LRRIQ4: variants seen among roughly 807,000 people sequenced by gnomAD.
The protein encoded by LRRIQ4 is leucine-rich repeat and IQ domain-containing protein 4.
Under a neutral mutation model 40.1 loss-of-function variants are expected in LRRIQ4, and 21 were observed. That is an observed-to-expected ratio of 0.52 (90% confidence interval 0.37 to 0.75). The LOEUF (loss-of-function observed/expected upper bound fraction) is 0.75. Ranked by LOEUF, LRRIQ4 falls within the 30% of genes least tolerant of loss-of-function variation. The pLI is 0.00. For synonymous variants in LRRIQ4, 277 were observed against 277.1 expected (o/e 1.00, Z 0.00); for missense variants, 655 against 660.0 (o/e 0.99, Z 0.08).
rs537510727 is a variant in LRRIQ4, at chr3:169,830,479, C to T, written c.1195-13C>T. 3.3e-6 allele frequency: 5 copies of T among 1,499,762 alleles called. No homozygotes were observed. The highest frequency in any genetic ancestry group is 3.8e-5 in the Admixed American group (2 of 52,566). The allele number at this position is 1,499,762 out of a possible 1,614,324, so 92.9% of individuals were successfully genotyped here. A position where few individuals can be genotyped will look rare whatever the true frequency, so the allele number is the denominator to read the frequency against. On this transcript the variant is annotated splice_polypyrimidine_tract_variant and intron_variant, in intron 3 of 5. Transcript: ENST00000340806. Reference sequence around the variant, plus strand: ...TCAAGGTATATTATTATGGTACACTCATGTTATTTCAGAGTCTCAAAGAGC... The same window carrying T: ...TCAAGGTATATTATTATGGTACACTTATGTTATTTCAGAGTCTCAAAGAGC...
intron 1 of LRRIQ4, among the ~76,000 whole-genome samples, chr3:169,821,349 AT>A (rs1779884266): frequency 6.6e-6 from 1 of 152,108 alleles, no homozygotes; most frequent in South Asian, 2.1e-4. Context: ...TTTAACTGAA[AT>A]TAGGCTGGGC....
In LRRIQ4 at chr3:169,822,338, A is replaced by C; in HGVS notation, c.417A>C (p.Lys139Asn). The C allele has an allele frequency of 6.2e-7, 1 of 1,613,844 alleles. No homozygotes were observed. Among genetic ancestry groups the C allele is most frequent in the South Asian group, 1.1e-5 (1 of 91,054 alleles). ...DLKEIPVVIF[K>N]NLHHLELLGL... ...AGGAAATTCCCGTCGTCATCTTTAA[A>C]AACCTCCACCATCTCGAGCTGCTCG... Residue 139 changes from lysine (K) to asparagine (N), a missense_variant, in exon 2 of 6, where the codon AAA (lysine) becomes AAC (asparagine). Lys to Asn is a moderately conservative substitution (Grantham distance 94). Coordinates refer to ENST00000340806, the MANE Select transcript of LRRIQ4 (RefSeq NM_001080460.3).
chr3:169,833,847 C>CA (rs1034925169), intron 5 of LRRIQ4, among the ~76,000 whole-genome samples: 2 of 152,178 alleles, frequency 1.3e-5, no homozygotes, highest in Non-Finnish European at 2.9e-5. Context: ...CCATTACACT[C>CA]AGAGTAAGAG....
At chr3:169,830,377 G>GCAAAAA (rs1780135822) in intron 3 of LRRIQ4, 115 bp from the exon 4 acceptor site, 1 of 103,278 alleles carries the variant, frequency 9.7e-6, no homozygotes, top group Non-Finnish European at 1.6e-5. Context: ...CACTGAAAGT[G>GCAAAAA]AAAAAAAAAA....
chr3:169,816,950 C>T lies in LRRIQ4; in HGVS notation c.-32+3904C>T, dbSNP rs139111007. 1.1e-4 allele frequency among the ~76,000 whole-genome samples: 16 copies of T among 152,232 alleles called. No individual in the cohort carries two copies. The East Asian group carries it at 2.1e-3, about 20-fold the overall frequency. On this transcript the variant is annotated intron_variant, in intron 1 of 5. Coordinates refer to ENST00000340806, the MANE Select transcript of LRRIQ4 (RefSeq NM_001080460.3). ...CCTCCCAAAGTGCTGGGATTACAGG[C>T]GTGAGCTATCACTCCCAGCCTTCTA...
chr3:169,831,492 C>T (rs1341604530), intron 4 of LRRIQ4, among the ~76,000 whole-genome samples: 18 of 93,822 alleles, frequency 1.9e-4, no homozygotes, highest in Non-Finnish European at 3.1e-4. Context: ...TTAGTAGAGA[C>T]GGGGTTTCAC....
intron 5 of LRRIQ4, among the ~76,000 whole-genome samples, chr3:169,836,740 T>G (rs1055060787): frequency 1.3e-5 from 2 of 152,186 alleles, no homozygotes; most frequent in Non-Finnish European, 2.9e-5. Flanking sequence ...GTGAGCCATC[T>G]GAATACTGAG....
chr3:169,827,496 A>G (rs1201710990), intron 2 of LRRIQ4, among the ~76,000 whole-genome samples: 2 of 149,840 alleles, frequency 1.3e-5, no homozygotes, highest in African/African-American at 4.9e-5. Flanking sequence ...AGTCCCAGCT[A>G]CTCGGGAGGC....
chr3:169,830,415 G>C, intron 3 of LRRIQ4, 77 bp from the exon 4 acceptor site: 1 of 167,660 alleles, frequency 6.0e-6, no homozygotes, highest in Non-Finnish European at 1.0e-5. Flanking sequence ...AAAAATGCAT[G>C]AGCACCCACA....
At chr3:169,829,831 G>A (rs1014130995) in intron 3 of LRRIQ4, among the ~76,000 whole-genome samples, 1 of 152,168 alleles carries the variant, frequency 6.6e-6, no homozygotes, top group South Asian at 2.1e-4. Flanking sequence ...TAAAGTAGGC[G>A]TGGGCCACCA....
intron 1 of LRRIQ4, among the ~76,000 whole-genome samples, chr3:169,818,374 T>C (rs1779807429): frequency 6.6e-6 from 1 of 152,198 alleles, no homozygotes; most frequent in Non-Finnish European, 1.5e-5. Context: ...GATGATTTCT[T>C]GTGTGAATAG....
chr3:169,830,174 G>T (rs1338453110), intron 3 of LRRIQ4, among the ~76,000 whole-genome samples: 3 of 151,938 alleles, frequency 2.0e-5, no homozygotes, highest in Non-Finnish European at 4.4e-5. Context: ...AGGAGTTAAT[G>T]ATAAATGTAG....
intron 1 of LRRIQ4, among the ~76,000 whole-genome samples, chr3:169,821,042 T>C (rs1412595272): frequency 2.0e-5 from 3 of 152,250 alleles, no homozygotes; most frequent in African/African-American, 2.4e-5. Context: ...TAAAGGGTTG[T>C]TTCTCTGCCT....
In LRRIQ4 at chr3:169,822,724, G is replaced by T. The variant is rs1187255870; in HGVS notation, c.803G>T (p.Arg268Leu). ...ACGGAAATCGGGCTGAGCGGGAACC[G>T]CCTGGAGAAGGTGCCACGCCTCATT... ...KMTEIGLSGNRLEKVPRLICR... is the reference protein window; with the variant it reads ...KMTEIGLSGNLLEKVPRLICR... Residue 268 changes from arginine to leucine, a missense_variant, in exon 2 of 6, where the codon CGC becomes CTC. Arg to Leu is a moderately radical substitution (Grantham distance 102). Transcript: ENST00000340806. 6 of 1,613,748 alleles carry T rather than the reference G, an allele frequency of 3.7e-6. No homozygotes were observed. Among genetic ancestry groups the T allele is most frequent in the African/African-American group, 1.3e-5 (1 of 74,930 alleles).
chr3:169,814,209 G>A (rs1379482730), intron 1 of LRRIQ4, among the ~76,000 whole-genome samples: 1 of 152,106 alleles, frequency 6.6e-6, no homozygotes, highest in Non-Finnish European at 1.5e-5. Flanking sequence ...CAGATGGATG[G>A]GGAGCCAGAA....
chr3:169,818,006 T>A (rs913949743), intron 1 of LRRIQ4, among the ~76,000 whole-genome samples: 2 of 152,206 alleles, frequency 1.3e-5, no homozygotes, highest in Non-Finnish European at 2.9e-5. Flanking sequence ...GAGCACTTTA[T>A]CCCACAGTGG....
rs563455962 is a variant in LRRIQ4 at position 169,833,099 on chromosome 3, C to G, written c.1446C>G (p.Pro482=). The change falls in exon 5 of 6, where the codon CCC becomes CCG. Residue 482 remains proline, a synonymous_variant. Transcript: ENST00000340806. ...LTLMDNPMEE[P]PKEVCAEGNE... is the part of the protein sequence containing the mutation. Reference sequence around the variant, plus strand: ...TGATGGACAATCCCATGGAAGAACCCCCAAAAGAAGTGTGTGCTGAAGGCA... The same window carrying G: ...TGATGGACAATCCCATGGAAGAACCGCCAAAAGAAGTGTGTGCTGAAGGCA... 2.5e-6 allele frequency: 4 copies of G among 1,613,882 alleles called. No homozygotes were observed. In the East Asian group the frequency reaches 8.9e-5, roughly 36 times the overall value.
rs745985138 is a variant in LRRIQ4 at position 169,828,949 on chromosome 3, G to A, written c.1194+17G>A. 6.9e-6 allele frequency: 11 copies of A among 1,596,876 alleles called. No homozygotes were observed. In the African/African-American group the frequency reaches 1.1e-4, roughly 16 times the overall value. On this transcript the variant is annotated intron_variant, in intron 3 of 5. Coordinates refer to ENST00000340806, the MANE Select transcript of LRRIQ4 (RefSeq NM_001080460.3). ...AAACTGCAGGTAAGCCTCCCCAAATGAGCAGGCTAAGAAGCACCTGTCACT... is the reference window on the plus strand; with the variant it reads ...AAACTGCAGGTAAGCCTCCCCAAATAAGCAGGCTAAGAAGCACCTGTCACT...
chr3:169,824,660 G>A (rs868305992), intron 2 of LRRIQ4, among the ~76,000 whole-genome samples: 1 of 151,674 alleles, frequency 6.6e-6, no homozygotes, highest in Admixed American at 6.6e-5. Flanking sequence ...CTACAGGTGT[G>A]CGCCATCACA....
Sources: allele counts gnomAD v4.1 joint callset (sites outside exome capture counted in the v4.1 genomes callset), GRCh38; gene constraint gnomAD v4.1.1; transcripts MANE v1.5; gene names NCBI Gene and HGNC (gene_info 2026-07-23, HGNC 2026-07-21).